The following STK39 variants were observed in gnomAD, a reference collection of about 807,000 sequenced individuals.
STK39 encodes STE20/SPS1-related proline-alanine-rich protein kinase.
In STK39, 20 loss-of-function variants were observed where a neutral mutation model predicts 77.8. The observed-to-expected ratio is 0.26, with a 90% CI of 0.18 to 0.37. The LOEUF (loss-of-function observed/expected upper bound fraction) is 0.37. Among genes scored for constraint, STK39 ranks in the 10% least tolerant of loss-of-function variants. STK39 has a pLI of 1.00. For synonymous variants in STK39, 246 were observed against 234.1 expected, an observed-to-expected ratio of 1.05 and a Z score of -0.47; for missense variants, 479 against 656.5, an observed-to-expected ratio of 0.73 and a Z score of 2.95.
At chr2:168,036,247 G>C (rs1684951095) in intron 14 of STK39, among the ~76,000 whole-genome samples, 1 of 152,070 alleles carries the variant, frequency 6.6e-6, no homozygotes. Flanking sequence ...TGCTGGCCAT[G>C]GTTGAAAGAT....
intron 5 of STK39, among the ~76,000 whole-genome samples, chr2:168,148,740 T>C (rs1409067656): frequency 1.3e-5 from 2 of 152,190 alleles, no homozygotes; most frequent in Non-Finnish European, 2.9e-5. Context: ...ATGTGGCCCC[T>C]ATTCAGAGGC....
chr2:168,096,740 C>A (rs377492661), intron 10 of STK39, among the ~76,000 whole-genome samples: 2 of 152,058 alleles, frequency 1.3e-5, no homozygotes, highest in Non-Finnish European at 2.9e-5. Context: ...CCTAAGCTCT[C>A]CATACAGGAA....
At chr2:168,239,540 T>C (rs911437964) in intron 1 of STK39, among the ~76,000 whole-genome samples, 1 of 152,194 alleles carries the variant, frequency 6.6e-6, no homozygotes, top group Non-Finnish European at 1.5e-5. Context: ...TTAAGCTGAT[T>C]GGCCCAAACG....
At chr2:167,997,651 A>G (rs919813329) in intron 16 of STK39, among the ~76,000 whole-genome samples, 2 of 152,254 alleles carry the variant, frequency 1.3e-5, no homozygotes, top group African/African-American at 4.8e-5. Flanking sequence ...ATAGCTCTAC[A>G]GCAGTTTCAG....
At chr2:168,042,158 T>C (rs1685122436) in intron 14 of STK39, among the ~76,000 whole-genome samples, 1 of 152,220 alleles carries the variant, frequency 6.6e-6, no homozygotes, top group African/African-American at 2.4e-5. Flanking sequence ...CTCTTTCCAC[T>C]CTCAAGATAT....
At chr2:168,085,438 T>C (rs1371972918) in intron 10 of STK39, among the ~76,000 whole-genome samples, 2 of 152,152 alleles carry the variant, frequency 1.3e-5, no homozygotes, top group Admixed American at 6.5e-5. Context: ...GCATCCTGAG[T>C]GTATGTCCAG....
chr2:168,241,490 C>A (rs906723025), intron 1 of STK39, among the ~76,000 whole-genome samples: 1 of 152,154 alleles, frequency 6.6e-6, no homozygotes, highest in Non-Finnish European at 1.5e-5. Context: ...CTGAGCTGTC[C>A]AAATTGCCAG....
chr2:168,216,319 G>A (rs1205294560), intron 1 of STK39, among the ~76,000 whole-genome samples: 1 of 152,214 alleles, frequency 6.6e-6, no homozygotes, highest in Non-Finnish European at 1.5e-5. Context: ...GGCAAAGGCA[G>A]AATCATCTTC....
Position 168,138,158 on chromosome 2 carries a change from T to C in STK39, c.904A>G (p.Met302Val). The C allele has an allele frequency of 6.2e-7, 1 of 1,614,052 alleles. No homozygotes were observed. Among genetic ancestry groups the C allele is most frequent in the Admixed American group, 1.7e-5 (1 of 60,036 alleles). Residue 302 changes from methionine (M) to valine (V), a missense_variant, in exon 8 of 18, where the codon ATG (methionine) becomes GTG (valine). By Grantham distance (21) the Met-to-Val change is conservative. Coordinates refer to ENST00000355999, the MANE Select transcript of STK39 (RefSeq NM_013233.3). ...AAGGACTTGCCGTACTTTTTCATCA[T>C]TTCTTTATCCTCTACCCCTGTTTCC... ...TLETGVEDKEMMKKYGKSFRK... is the reference protein window; with the variant it reads ...TLETGVEDKEVMKKYGKSFRK...
At chr2:168,160,849 T>G (rs1227104799) in intron 5 of STK39, among the ~76,000 whole-genome samples, 6 of 146,084 alleles carry the variant, frequency 4.1e-5, no homozygotes, top group African/African-American at 1.5e-4. Flanking sequence ...GGTCCACTCA[T>G]GAGGACAAGA....
At chr2:168,220,595 T>C (rs1384515007) in intron 1 of STK39, among the ~76,000 whole-genome samples, 1 of 152,122 alleles carries the variant, frequency 6.6e-6, no homozygotes, top group African/African-American at 2.4e-5. Flanking sequence ...AGAGATGACA[T>C]GTATAGTCAA....
intron 1 of STK39, among the ~76,000 whole-genome samples, chr2:168,195,759 G>A (rs759119995): frequency 6.6e-6 from 1 of 152,234 alleles, no homozygotes; most frequent in South Asian, 2.1e-4. Flanking sequence ...GCTCACGCCT[G>A]TAATCTCAGC....
chr2:168,064,044 A>G (rs1457003422), intron 13 of STK39, among the ~76,000 whole-genome samples: 1 of 152,196 alleles, frequency 6.6e-6, no homozygotes, highest in Non-Finnish European at 1.5e-5. Context: ...GAATGTCTCC[A>G]ATACACAGCC....
rs149430624 is a variant in STK39 at position 168,118,507 on chromosome 2, A to T, written c.1089+11034T>A. Among the ~76,000 whole-genome samples, 554 of 150,328 alleles carry T rather than the reference A, an allele frequency of 3.7e-3. 6 individuals are homozygous for T. The highest frequency in any genetic ancestry group is 0.013 in the African/African-American group (533 of 41,220). ...CTAAAAATAAAGACATTCTCCCTAA[A>T]TGGGGATCAGCAAATTACAATTTCC... On this transcript the variant is annotated intron_variant, in intron 10 of 17. Transcript: ENST00000355999.
chr2:168,240,081 G>C (rs1185825773), intron 1 of STK39, among the ~76,000 whole-genome samples: 5 of 152,198 alleles, frequency 3.3e-5, no homozygotes, highest in Admixed American at 6.5e-5. Context: ...TTGCTACATA[G>C]ATGAAAAATG....
In STK39 at chr2:167,970,670, T is replaced by C. The variant is rs932574707; in HGVS notation, c.1499-5944A>G. ...ACTCCGTACTTCTATATTTGAGTCCTTGTGGATGAACTGCAACCTAACTTA... is the reference window on the plus strand; with the variant it reads ...ACTCCGTACTTCTATATTTGAGTCCCTGTGGATGAACTGCAACCTAACTTA... On this transcript the variant is annotated intron_variant, in intron 16 of 17. Coordinates refer to ENST00000355999, the MANE Select transcript of STK39 (RefSeq NM_013233.3). Among the ~76,000 whole-genome samples, 4 of 152,204 alleles carry C rather than the reference T, an allele frequency of 2.6e-5. No individual in the cohort carries two copies. In the East Asian group the frequency reaches 7.7e-4, roughly 29 times the overall value.
rs555142570 is a variant in STK39 at position 168,100,253 on chromosome 2, G to A, written c.1090-25022C>T. On this transcript the variant is annotated intron_variant, in intron 10 of 17. Coordinates refer to ENST00000355999, the MANE Select transcript of STK39 (RefSeq NM_013233.3). ...GCCAATCAAAGTCAAAACGATGGAG[G>A]GTCACATTCGAAAAAAAAGTAGATG... 7.4e-4 allele frequency among the ~76,000 whole-genome samples: 113 copies of A among 152,190 alleles called. 1 individual carries two copies. The highest frequency in any genetic ancestry group is 2.1e-3 in the South Asian group (10 of 4,816).
At chr2:168,111,114 T>C (rs1687110422) in intron 10 of STK39, among the ~76,000 whole-genome samples, 1 of 152,154 alleles carries the variant, frequency 6.6e-6, no homozygotes, top group Non-Finnish European at 1.5e-5. Flanking sequence ...AATTTATCCA[T>C]CTTGTCTAGA....
In STK39 at chr2:168,046,708, A is replaced by G. The variant is rs1286373035; in HGVS notation, c.1376+16792T>C. ...AGTTAGTTTTAGAGAAGCAGTGGCA[A>G]CCAAGAGGAAAAAGCAACCCAAAAA... On this transcript the variant is annotated intron_variant, in intron 14 of 17. Transcript: ENST00000355999. Among the ~76,000 whole-genome samples the G allele has an allele frequency of 2.0e-5, 3 of 152,266 alleles. No homozygotes were observed. The East Asian group carries it at 5.8e-4, about 29-fold the overall frequency.
Sources: gnomAD v4.1 joint callset for allele counts (sites outside exome capture counted in the v4.1 genomes callset) on GRCh38, gnomAD v4.1.1 for gene constraint, MANE v1.5 for transcripts, NCBI Gene and HGNC (gene_info 2026-07-23, HGNC 2026-07-21) for gene names.